Variants in PTPRN2 observed in about 807,000 individuals in gnomAD.
The protein encoded by PTPRN2 is receptor-type tyrosine-protein phosphatase N2.
Under a neutral mutation model 118.8 loss-of-function variants are expected in PTPRN2, and 74 were observed. The ratio of observed to expected loss-of-function variants is 0.62; its 90% CI spans 0.52 to 0.76. The LOEUF is 0.76. Ranked by LOEUF, PTPRN2 falls within the 30% of genes least tolerant of loss-of-function variation. The pLI, the probability that PTPRN2 is intolerant of heterozygous loss-of-function variation, is 0.00. For missense variants in PTPRN2, 1,481 were observed against 1,394.4 expected (o/e 1.06, Z -0.99); for synonymous variants, 641 against 608.0 (o/e 1.05, Z -0.80).
intron 3 of PTPRN2, among the ~76,000 whole-genome samples, chr7:158,251,787 T>G (rs1314753673): frequency 6.6e-6 from 1 of 152,068 alleles, no homozygotes; most frequent in African/African-American, 2.4e-5. Context: ...TGTGTCCCCC[T>G]CATTACCTCA....
intron 2 of PTPRN2, among the ~76,000 whole-genome samples, chr7:158,385,041 T>C (rs1175482536): frequency 5.3e-5 from 8 of 152,328 alleles, no homozygotes; most frequent in African/African-American, 1.7e-4. Flanking sequence ...TTCCATTCAG[T>C]GCATCAACGT....
At chr7:157,927,227 G>T (rs79774304) in intron 11 of PTPRN2, among the ~76,000 whole-genome samples, 2 of 59,436 alleles carry the variant, frequency 3.4e-5, no homozygotes, top group Admixed American at 1.7e-4. Context: ...CCAGGGACCC[G>T]TCTGAGAGCA....
chr7:158,408,557 A>C (rs184057821), intron 2 of PTPRN2, among the ~76,000 whole-genome samples: 1 of 152,344 alleles, frequency 6.6e-6, no homozygotes, highest in Admixed American at 6.5e-5. Context: ...TATTTCCAGA[A>C]AATGACATTT....
chr7:158,180,822 T>A (rs1257008174), intron 5 of PTPRN2, among the ~76,000 whole-genome samples: 2 of 152,236 alleles, frequency 1.3e-5, no homozygotes, highest in African/African-American at 4.8e-5. Flanking sequence ...AATTCGTTTA[T>A]GAAATCTAGG....
chr7:158,486,237 T>A (rs1434632039), intron 2 of PTPRN2, among the ~76,000 whole-genome samples: 1 of 152,238 alleles, frequency 6.6e-6, no homozygotes, highest in Non-Finnish European at 1.5e-5. Flanking sequence ...CACGATCACG[T>A]CAGGCCATGC....
chr7:158,043,267 C>A (rs955843488), intron 11 of PTPRN2, among the ~76,000 whole-genome samples: 1 of 152,178 alleles, frequency 6.6e-6, no homozygotes, highest in African/African-American at 2.4e-5. Context: ...TCTAAGGGAG[C>A]AAATCCCAGG....
intron 6 of PTPRN2, among the ~76,000 whole-genome samples, chr7:158,157,091 C>T (rs546093201): frequency 6.6e-6 from 1 of 150,608 alleles, no homozygotes; most frequent in Non-Finnish European, 1.5e-5. Context: ...TGGAAGGCCT[C>T]CCCATTGTGC....
At chr7:158,501,627 G>T (rs1822368551) in intron 1 of PTPRN2, among the ~76,000 whole-genome samples, 2 of 152,212 alleles carry the variant, frequency 1.3e-5, no homozygotes, top group Non-Finnish European at 2.9e-5. Context: ...CACAGCAGAG[G>T]GAGGGGCAGT....
At chr7:158,549,665 C>T (rs982263100) in intron 1 of PTPRN2, among the ~76,000 whole-genome samples, 1 of 152,244 alleles carries the variant, frequency 6.6e-6, no homozygotes, top group Middle Eastern at 3.2e-3. Flanking sequence ...CTCCGCCTCC[C>T]AGAGGAGATC....
At chr7:157,954,687 G>C (rs1052741216) in intron 11 of PTPRN2, among the ~76,000 whole-genome samples, 4 of 152,104 alleles carry the variant, frequency 2.6e-5, no homozygotes, top group South Asian at 2.1e-4. Flanking sequence ...CCAGACCCCA[G>C]AGCGAGGCCC....
At chr7:157,908,527 C>T (rs1321122917) in intron 11 of PTPRN2, among the ~76,000 whole-genome samples, 4 of 152,220 alleles carry the variant, frequency 2.6e-5, no homozygotes, top group African/African-American at 9.6e-5. Context: ...TGCACGTCGG[C>T]TCACAGCTCT....
At chr7:158,374,139 C>A (rs562214789) in intron 2 of PTPRN2, among the ~76,000 whole-genome samples, 1 of 152,290 alleles carries the variant, frequency 6.6e-6, no homozygotes, top group African/African-American at 2.4e-5. Context: ...CACTTACCAT[C>A]CCCACCGCAA....
chr7:158,085,186 G>A (rs537812094), intron 10 of PTPRN2, among the ~76,000 whole-genome samples: 1 of 106,064 alleles, frequency 9.4e-6, no homozygotes, highest in Non-Finnish European at 1.8e-5. Context: ...CCACACCCAC[G>A]ACGCCCATCC....
chr7:158,145,256 G>C (rs941884688), intron 6 of PTPRN2, among the ~76,000 whole-genome samples: 1 of 149,658 alleles, frequency 6.7e-6, no homozygotes, highest in African/African-American at 2.5e-5. Flanking sequence ...GGCTTGGCAA[G>C]ACTTCCCTCA....
intron 2 of PTPRN2, among the ~76,000 whole-genome samples, chr7:158,340,232 C>T (rs1806405507): frequency 1.1e-5 from 1 of 91,958 alleles, no homozygotes; most frequent in African/African-American, 3.8e-5. Context: ...GCACACGTCA[C>T]TCACACCCAC....
chr7:158,533,876 C>T (rs1013132082), intron 1 of PTPRN2, among the ~76,000 whole-genome samples: 1 of 152,248 alleles, frequency 6.6e-6, no homozygotes, highest in Non-Finnish European at 1.5e-5. Context: ...CAAAGTCGCA[C>T]GTCAGGCCCT....
At chr7:158,315,559 A>AG (rs1802249990) in intron 3 of PTPRN2, among the ~76,000 whole-genome samples, 2 of 151,106 alleles carry the variant, frequency 1.3e-5, no homozygotes, top group Admixed American at 1.3e-4. Context: ...GGACCCCTGA[A>AG]GAACAGAGGT....
chr7:158,399,139 G>A (rs938262127), intron 2 of PTPRN2, among the ~76,000 whole-genome samples: 2 of 152,080 alleles, frequency 1.3e-5, no homozygotes, highest in African/African-American at 4.8e-5. Flanking sequence ...CTTCTTCCAT[G>A]TGGCTGTCAG....
intron 2 of PTPRN2, among the ~76,000 whole-genome samples, chr7:158,418,619 G>A (rs577214819): frequency 6.8e-5 from 10 of 146,618 alleles, no homozygotes; most frequent in African/African-American, 2.3e-4. Flanking sequence ...GTCCCGCTGT[G>A]TTAAGTCACG....
Sources: gnomAD v4.1 joint callset for allele counts (sites outside exome capture counted in the v4.1 genomes callset) on GRCh38, gnomAD v4.1.1 for gene constraint, MANE v1.5 for transcripts, NCBI Gene and HGNC (gene_info 2026-07-23, HGNC 2026-07-21) for gene names.